Variants in CSRNP3 observed in about 807,000 individuals in gnomAD.
CSRNP3 encodes cysteine and serine rich nuclear protein 3, also known as cysteine/serine-rich nuclear protein 3.
A neutral mutation model predicts 48.0 loss-of-function variants in CSRNP3; 12 were observed. That is an observed-to-expected ratio of 0.25 (90% CI 0.16 to 0.41). The LOEUF (loss-of-function observed/expected upper bound fraction) is 0.41. CSRNP3 is among the 10% of genes least tolerant of loss of function. The pLI, the probability that CSRNP3 is intolerant of heterozygous loss-of-function variation, is 1.00. For synonymous variants in CSRNP3, 263 were observed against 269.7 expected (o/e 0.98, Z 0.24); for missense variants, 580 against 724.4 (o/e 0.80, Z 2.29).
chr2:165,471,181 T>G (rs1162915568), intron 1 of CSRNP3, among the ~76,000 whole-genome samples: 3 of 152,006 alleles, frequency 2.0e-5, no homozygotes, highest in Admixed American at 6.6e-5. Context: ...AATAACATGT[T>G]TATATGGTTA....
At chr2:165,604,543 T>A (rs2105304526) in intron 4 of CSRNP3, among the ~76,000 whole-genome samples, 1 of 152,362 alleles carries the variant, frequency 6.6e-6, no homozygotes, top group South Asian at 2.1e-4. Context: ...ACTTATCATA[T>A]CTGAATACAT....
intron 5 of CSRNP3, among the ~76,000 whole-genome samples, chr2:165,669,659 C>G (rs1390034871): frequency 6.6e-6 from 1 of 152,044 alleles, no homozygotes; most frequent in Non-Finnish European, 1.5e-5. Flanking sequence ...TACGAATCTG[C>G]AAAATTAAGA....
At position 165,564,092 on chromosome 2, in the gene CSRNP3, C is replaced by A. The variant is rs577033934; in HGVS notation, c.-23-30951C>A. ...TAGTTACGTGAACCCCCTTGTGGTA[C>A]CTGGGAAGCAAATTTAGAAGAGCAG... On this transcript the variant is annotated intron_variant, in intron 3 of 6. Transcript: ENST00000651982. Among the ~76,000 whole-genome samples, 34 of 152,078 alleles carry A rather than the reference C, an allele frequency of 2.2e-4. No homozygotes were observed. The South Asian group carries it at 6.0e-3, about 27-fold the overall frequency.
rs866957392 is a variant in CSRNP3 at position 165,474,696 on chromosome 2, C to T, written c.-283+4956C>T. Among the ~76,000 whole-genome samples the T allele has an allele frequency of 3.3e-5, 5 of 152,146 alleles. No individual in the cohort carries two copies. In the South Asian group the frequency reaches 1.0e-3, roughly 32 times the overall value. On this transcript the variant is annotated intron_variant, in intron 1 of 6. Transcript: ENST00000651982. ...TTTGTATTAAATATTAGATATAGTG[C>T]ATTAAACACTGGATGAAAGAAAAGC...
intron 2 of CSRNP3, among the ~76,000 whole-genome samples, chr2:165,501,657 A>G (rs1358464923): frequency 6.6e-6 from 1 of 152,124 alleles, no homozygotes; most frequent in African/African-American, 2.4e-5. Flanking sequence ...GTTGCTAAAT[A>G]TGTTTATTTT....
At chr2:165,600,300 A>C (rs1376188344) in intron 4 of CSRNP3, among the ~76,000 whole-genome samples, 1 of 148,854 alleles carries the variant, frequency 6.7e-6, no homozygotes, top group Non-Finnish European at 1.5e-5. Context: ...TCCATGGTGT[A>C]TATGTGCCAC....
At chr2:165,497,808 C>G (rs1040170230) in intron 2 of CSRNP3, among the ~76,000 whole-genome samples, 4 of 152,144 alleles carry the variant, frequency 2.6e-5, no homozygotes, top group African/African-American at 9.6e-5. Context: ...ACCTCTCTAC[C>G]AGACCACACA....
intron 4 of CSRNP3, among the ~76,000 whole-genome samples, chr2:165,654,196 G>A (rs1255642390): frequency 6.6e-6 from 1 of 152,106 alleles, no homozygotes; most frequent in Non-Finnish European, 1.5e-5. Context: ...TAATGTATGA[G>A]ATTGTTGGAT....
chr2:165,556,552 G>T (rs1482341162), intron 3 of CSRNP3, among the ~76,000 whole-genome samples: 2 of 152,146 alleles, frequency 1.3e-5, no homozygotes, highest in African/African-American at 2.4e-5. Flanking sequence ...GTTGGATGAA[G>T]AGGGACCTGC....
chr2:165,540,507 G>C (rs1684941800), intron 3 of CSRNP3, among the ~76,000 whole-genome samples: 1 of 151,862 alleles, frequency 6.6e-6, no homozygotes, highest in Non-Finnish European at 1.5e-5. Context: ...TCTACTGCTG[G>C]GCAAGGCAGT....
chr2:165,594,744 G>C lies in CSRNP3; in HGVS notation c.-23-299G>C, dbSNP rs1313514142. ...ATTATTTTTCTTTACAGATTTTCTT[G>C]GACTCAGGTGGATTTTCTCAATTTG... On this transcript the variant is annotated intron_variant, in intron 3 of 6. Coordinates refer to ENST00000651982, the MANE Select transcript of CSRNP3 (RefSeq NM_001172173.2). 2.0e-5 allele frequency among the ~76,000 whole-genome samples: 3 copies of C among 151,902 alleles called. No individual in the cohort carries two copies. In the East Asian group the frequency reaches 5.8e-4, roughly 29 times the overall value.
chr2:165,490,988 A>G (rs1413387378), intron 1 of CSRNP3, among the ~76,000 whole-genome samples: 3 of 139,654 alleles, frequency 2.1e-5, no homozygotes, highest in Non-Finnish European at 3.2e-5. Flanking sequence ...ACAGCAAAAG[A>G]AACTACCATC....
intron 3 of CSRNP3, among the ~76,000 whole-genome samples, chr2:165,547,895 T>A (rs1166409690): frequency 6.6e-6 from 1 of 152,126 alleles, no homozygotes; most frequent in Non-Finnish European, 1.5e-5. Flanking sequence ...CTGTTAAGGT[T>A]TGGGTACTTA....
At chr2:165,558,787 T>C (rs1479066070) in intron 3 of CSRNP3, among the ~76,000 whole-genome samples, 1 of 152,230 alleles carries the variant, frequency 6.6e-6, no homozygotes, top group Non-Finnish European at 1.5e-5. Flanking sequence ...AAATTAATTT[T>C]GCCAGCACTC....
At position 165,606,921 on chromosome 2, in the gene CSRNP3, G is replaced by A. The variant is rs192778167; in HGVS notation, c.148+11708G>A. Among the ~76,000 whole-genome samples, 547 of 152,202 alleles carry A rather than the reference G, an allele frequency of 3.6e-3. 7 individuals are homozygous for A. Among genetic ancestry groups the A allele is most frequent in the African/African-American group, 0.013 (531 of 41,536 alleles). The stretch of plus-strand genomic sequence containing the variant: ...GAGGCTTAGAACCTCTAGGGATGAA[G>A]AGTAGAATGGATGGGATTGCCTTAG... On this transcript the variant is annotated intron_variant, in intron 4 of 6. Transcript: ENST00000651982.
At chr2:165,595,867 G>A (rs551673002) in intron 4 of CSRNP3, among the ~76,000 whole-genome samples, 1 of 152,284 alleles carries the variant, frequency 6.6e-6, no homozygotes, top group African/African-American at 2.4e-5. Flanking sequence ...CATGAACTTG[G>A]CTCACTGCAA....
intron 2 of CSRNP3, among the ~76,000 whole-genome samples, chr2:165,501,445 T>C (rs1457862507): frequency 1.3e-5 from 2 of 152,158 alleles, no homozygotes; most frequent in Non-Finnish European, 2.9e-5. Flanking sequence ...GTAGTAGCTT[T>C]GTAGTGAGAG....
Position 165,568,728 on chromosome 2 carries a change from T to C in CSRNP3, c.-23-26315T>C, listed in dbSNP as rs551995167. On this transcript the variant is annotated intron_variant, in intron 3 of 6. Coordinates refer to ENST00000651982, the MANE Select transcript of CSRNP3 (RefSeq NM_001172173.2). ...AGAATAAAGGTGGAGGAAATTAGACTCTACTTCTGGCTGAAAAGAATTGCA... is the reference window on the plus strand; with the variant it reads ...AGAATAAAGGTGGAGGAAATTAGACCCTACTTCTGGCTGAAAAGAATTGCA... Among the ~76,000 whole-genome samples, 5 of 152,210 alleles carry C rather than the reference T, an allele frequency of 3.3e-5. No individual in the cohort carries two copies. In the South Asian group the frequency reaches 1.0e-3, roughly 32 times the overall value.
Position 165,679,290 on chromosome 2 carries a change from C to T in CSRNP3, c.1295C>T (p.Ser432Phe). ...HAKNASFYAN[S>F]STLYYQIDSH... ...AAGAATGCTTCTTTTTATGCCAACT[C>T]TTCAACTCTGTATTACCAAATAGAT... Residue 432 changes from serine to phenylalanine, a missense_variant, in exon 7 of 7, where the codon TCT becomes TTT. By Grantham distance (155) the Ser-to-Phe change is radical (BLOSUM62 -2). Coordinates refer to ENST00000651982, the MANE Select transcript of CSRNP3 (RefSeq NM_001172173.2). The T allele has an allele frequency of 6.2e-7, 1 of 1,613,816 alleles. No homozygotes were observed. Among genetic ancestry groups the T allele is most frequent in the African/African-American group, 1.3e-5 (1 of 74,848 alleles).
Sources: gnomAD v4.1 joint callset for allele counts (sites outside exome capture counted in the v4.1 genomes callset) on GRCh38, gnomAD v4.1.1 for gene constraint, MANE v1.5 for transcripts, NCBI Gene and HGNC (gene_info 2026-07-23, HGNC 2026-07-21) for gene names.